The following CHRM2 variants were observed in gnomAD, a reference collection of about 807,000 sequenced individuals.
CHRM2 encodes the protein muscarinic acetylcholine receptor M2.
In CHRM2, 8 loss-of-function variants were observed where a neutral mutation model predicts 25.0. The observed-to-expected ratio is 0.32, with a 90% CI of 0.19 to 0.58. The LOEUF is 0.58. Among genes scored for constraint, CHRM2 ranks in the 20% least tolerant of loss-of-function variants. CHRM2 has a pLI of 0.88. For synonymous variants in CHRM2, 202 were observed against 205.7 expected (o/e 0.98, Z 0.15); for missense variants, 440 against 567.1 (o/e 0.78, Z 2.28).
chr7:136,978,863 G>A (rs1162274999), intron 2 of CHRM2, among the ~76,000 whole-genome samples: 2 of 152,128 alleles, frequency 1.3e-5, no homozygotes, highest in Non-Finnish European at 2.9e-5. Flanking sequence ...ATGGGCATTT[G>A]GGTTGGTTTC....
intron 3 of CHRM2, among the ~76,000 whole-genome samples, chr7:137,000,048 C>T (rs1232171836): frequency 2.0e-5 from 3 of 152,066 alleles, no homozygotes; most frequent in Non-Finnish European, 2.9e-5. Context: ...ACCTATTGCA[C>T]AGATGACAAT....
intron 2 of CHRM2, among the ~76,000 whole-genome samples, chr7:136,986,116 T>G (rs1463926626): frequency 6.6e-6 from 1 of 152,154 alleles, no homozygotes; most frequent in Non-Finnish European, 1.5e-5. Flanking sequence ...ATCAGCTGAT[T>G]TATGACTCAT....
chr7:136,890,586 C>T (rs1371613362), intron 2 of CHRM2, among the ~76,000 whole-genome samples: 1 of 152,190 alleles, frequency 6.6e-6, no homozygotes, highest in Non-Finnish European at 1.5e-5. Flanking sequence ...CAAAAGACTG[C>T]CTTTATCCTG....
chr7:136,901,656 C>T (rs187986598), intron 2 of CHRM2, among the ~76,000 whole-genome samples: 29 of 152,030 alleles, frequency 1.9e-4, no homozygotes, highest in African/African-American at 4.8e-4. Context: ...AACATACAGA[C>T]GCTTTTTGAT....
chr7:136,961,631 G>T (rs1271402083), intron 2 of CHRM2, among the ~76,000 whole-genome samples: 1 of 152,062 alleles, frequency 6.6e-6, no homozygotes, highest in African/African-American at 2.4e-5. Context: ...TAGGACAATT[G>T]TTGGTGTAGA....
intron 2 of CHRM2, among the ~76,000 whole-genome samples, chr7:136,949,459 T>TTAAAAAAAAAAAAAAAAAAAAA (rs762115539): frequency 8.3e-6 from 1 of 120,856 alleles, no homozygotes; most frequent in African/African-American, 3.3e-5. Context: ...TCTGCAAAAC[T>TTAAAAAAAAAAAAAAAAAAAAA]AAAAAAAAAA....
At chr7:136,986,155 G>A (rs1470502362) in intron 2 of CHRM2, among the ~76,000 whole-genome samples, 2 of 152,130 alleles carry the variant, frequency 1.3e-5, no homozygotes, top group African/African-American at 2.4e-5. Context: ...GGAGAGGATC[G>A]TTCTTTTCAG....
intron 2 of CHRM2, among the ~76,000 whole-genome samples, chr7:136,984,942 T>C (rs1452646145): frequency 6.6e-6 from 1 of 152,138 alleles, no homozygotes; most frequent in African/African-American, 2.4e-5. Context: ...GTGTGCATTA[T>C]GGCACAACAA....
intron 2 of CHRM2, among the ~76,000 whole-genome samples, chr7:136,952,049 T>A (rs921029306): frequency 6.6e-6 from 1 of 152,144 alleles, no homozygotes; most frequent in African/African-American, 2.4e-5. Context: ...AATGCTAAAC[T>A]GAAATTCCAG....
At chr7:136,974,361 A>G (rs1475581435) in intron 2 of CHRM2, among the ~76,000 whole-genome samples, 1 of 152,218 alleles carries the variant, frequency 6.6e-6, no homozygotes, top group Non-Finnish European at 1.5e-5. Flanking sequence ...CTGACAACAT[A>G]GAACTGCAAA....
At chr7:137,006,148 T>G (rs1192447529) in intron 3 of CHRM2, among the ~76,000 whole-genome samples, 1 of 152,148 alleles carries the variant, frequency 6.6e-6, no homozygotes, top group Non-Finnish European at 1.5e-5. Context: ...AAATCCTTGG[T>G]ACAGAAAAAG....
intron 2 of CHRM2, among the ~76,000 whole-genome samples, chr7:136,935,554 C>T (rs1190822010): frequency 6.6e-6 from 1 of 152,162 alleles, no homozygotes; most frequent in East Asian, 1.9e-4. Context: ...CGAAATTGTC[C>T]TCGCTGGGAG....
intron 2 of CHRM2, among the ~76,000 whole-genome samples, chr7:136,961,149 A>G (rs62485258): frequency 0.24 from 36,430 of 151,994 alleles, 5,709 homozygotes; most frequent in Non-Finnish European, 0.34. Flanking sequence ...TAAAAAAACC[A>G]TATGCATTCA....
chr7:136,977,864 C>T (rs1259612141), intron 2 of CHRM2, among the ~76,000 whole-genome samples: 1 of 152,120 alleles, frequency 6.6e-6, no homozygotes, highest in African/African-American at 2.4e-5. Flanking sequence ...ATTTGTATAG[C>T]TTGAGGTCTT....
chr7:137,015,746 C>A lies in CHRM2; in HGVS notation c.881C>A (p.Ser294Tyr). 6.2e-7 allele frequency: 1 copy of A among 1,613,196 alleles called. No individual in the cohort carries two copies. Residue 294 changes from serine to tyrosine, a missense_variant, in exon 4 of 4, where the codon TCT (serine) becomes TAT (tyrosine). Physicochemically the swap from Ser to Tyr is moderately radical, Grantham distance 144. This residue lies in a region of CHRM2 where 261 missense variants were observed against 261.8 expected (regional missense o/e 1.00). Transcript: ENST00000680005. This position sits in a 1 kb window ranked among gnomAD's most constrained non-coding sequence, Gnocchi z 5.1. The stretch of plus-strand genomic sequence containing the variant: ...TCCACCTCAGTCAGTGCTGTTGCCT[C>A]TAATATGAGAGATGATGAAATAACC... ...NDSTSVSAVA[S>Y]NMRDDEITQD... is the part of the protein sequence containing the mutation.
chr7:136,953,656 T>C (rs1563087277), intron 2 of CHRM2, among the ~76,000 whole-genome samples: 1 of 151,352 alleles, frequency 6.6e-6, no homozygotes, highest in East Asian at 1.9e-4. Context: ...CGAGAGCTCA[T>C]AGACAGTGGC....
At chr7:136,886,042 C>A (rs147353012) in intron 2 of CHRM2, among the ~76,000 whole-genome samples, 1 of 152,150 alleles carries the variant, frequency 6.6e-6, no homozygotes, top group Non-Finnish European at 1.5e-5. Context: ...CTATACCTAT[C>A]CTGTTGGCTA....
chr7:136,964,407 A>G (rs1237589951), intron 2 of CHRM2, among the ~76,000 whole-genome samples: 1 of 152,136 alleles, frequency 6.6e-6, no homozygotes, highest in Non-Finnish European at 1.5e-5. Flanking sequence ...GACCTCTGGA[A>G]GCCTTTTGAG....
chr7:136,936,295 T>C (rs530828898), intron 2 of CHRM2, among the ~76,000 whole-genome samples: 9 of 152,250 alleles, frequency 5.9e-5, no homozygotes, highest in African/African-American at 2.2e-4. Flanking sequence ...TACTTTAGAT[T>C]AAAATATATA....
Sources: allele counts gnomAD v4.1 joint callset (sites outside exome capture counted in the v4.1 genomes callset), GRCh38; gene constraint gnomAD v4.1.1; regional missense constraint gnomAD v4.1.1; non-coding constraint Gnocchi (gnomAD v3.1); transcripts MANE v1.5; gene names NCBI Gene and HGNC (gene_info 2026-07-23, HGNC 2026-07-21).